The following CHURC1 variants were observed in gnomAD, a reference collection of about 807,000 sequenced individuals.
CHURC1 encodes protein Churchill.
CHURC1 carries 12 observed loss-of-function variants against 15.4 expected under a neutral mutation model. The observed-to-expected ratio is 0.78, with a 90% CI of 0.50 to 1.27. The LOEUF (loss-of-function observed/expected upper bound fraction) is 1.27. Among genes scored for constraint, CHURC1 ranks in the 50% most tolerant of loss-of-function variants. The probability of loss-of-function intolerance (pLI) is 0.00; values close to 1 mark genes in which losing one functional copy is unlikely to be tolerated. For synonymous variants in CHURC1, 42 were observed against 47.5 expected, an observed-to-expected ratio of 0.88 and a Z score of 0.48; for missense variants, 132 against 137.8, an observed-to-expected ratio of 0.96 and a Z score of 0.21.
At chr14:64,914,671 A>G (rs910659289) in intron 1 of CHURC1, 137 bp downstream of exon 1, 1 of 1,504,304 alleles carries the variant, frequency 6.6e-7, no homozygotes, top group East Asian at 2.3e-5. Flanking sequence ...AGCGGTATTT[A>G]GGCACACCAG....
rs1420648000 is a variant in CHURC1, at chr14:64,933,591, T to C, written c.*1361T>C. The C allele has an allele frequency of 2.0e-6, 2 of 981,672 alleles. No homozygotes were observed. Among genetic ancestry groups the C allele is most frequent in the East Asian group, 2.3e-4 (2 of 8,802 alleles). 60.8% of individuals were successfully genotyped at this position (981,672 alleles called of 1,614,324 possible). A position where few individuals can be genotyped will look rare whatever the true frequency, so the allele number is the denominator to read the frequency against. ...TTCATCACAGTATTGTTAGGAGATT[T>C]AAATGAATTAGTGAATGTAAGATAC... On this transcript the variant is annotated 3_prime_UTR_variant, in exon 4 of 4. Transcript: ENST00000549115.
At chr14:64,925,159 C>G (rs924951800) in intron 2 of CHURC1, among the ~76,000 whole-genome samples, 1 of 152,082 alleles carries the variant, frequency 6.6e-6, no homozygotes, top group Non-Finnish European at 1.5e-5. Flanking sequence ...GCCATTGTTT[C>G]CTTATCTCTA....
intron 1 of CHURC1, among the ~76,000 whole-genome samples, chr14:64,921,667 A>C (rs1302040356): frequency 6.6e-6 from 1 of 152,230 alleles, no homozygotes; most frequent in Non-Finnish European, 1.5e-5. Flanking sequence ...GTATTGATGT[A>C]GCTATAGAGC....
chr14:64,919,847 G>GC (rs1884148021), intron 1 of CHURC1, among the ~76,000 whole-genome samples: 1 of 151,678 alleles, frequency 6.6e-6, no homozygotes, highest in Non-Finnish European at 1.5e-5. Context: ...TTGCGCCACA[G>GC]CATTCCAGCC....
chr14:64,927,008 C>T (rs1884757412), intron 3 of CHURC1, among the ~76,000 whole-genome samples: 1 of 152,126 alleles, frequency 6.6e-6, no homozygotes, highest in Non-Finnish European at 1.5e-5. Flanking sequence ...GTGTGAACTA[C>T]ATATTTGTCC....
At position 64,933,904 on chromosome 14, in the gene CHURC1, A is replaced by G. The variant is rs1181379045; in HGVS notation, c.*1674A>G. On this transcript the variant is annotated 3_prime_UTR_variant, in exon 4 of 4. Coordinates refer to ENST00000549115, the MANE Select transcript of CHURC1 (RefSeq NM_001386928.1). ...TTAAGCACTTATTTAATCCTCATTA[A>G]CAAATTCATAAGGTAGGTGCTATTG... 2.0e-6 allele frequency: 2 copies of G among 984,978 alleles called. No homozygotes were observed. Among genetic ancestry groups the G allele is most frequent in the Non-Finnish European group, 2.4e-6 (2 of 829,628 alleles). 61.0% of individuals were successfully genotyped at this position (984,978 alleles called of 1,614,324 possible). A position where few individuals can be genotyped will look rare whatever the true frequency, so the allele number is the denominator to read the frequency against.
chr14:64,914,934 G>C (rs1445919634), intron 1 of CHURC1, among the ~76,000 whole-genome samples: 1 of 152,216 alleles, frequency 6.6e-6, no homozygotes, highest in Non-Finnish European at 1.5e-5. Context: ...CACTTTTGCA[G>C]ATGAAGAAAC....
chr14:64,916,418 C>G lies in CHURC1; in HGVS notation c.39+1884C>G, dbSNP rs55796139. On this transcript the variant is annotated intron_variant, in intron 1 of 3. Coordinates refer to ENST00000549115, the MANE Select transcript of CHURC1 (RefSeq NM_001386928.1). ...GTACACTTTATAATCATTTCTTGTT[C>G]GCTACATTTATGTTTCATGTACTTT... Among the ~76,000 whole-genome samples the G allele has an allele frequency of 2.0e-5, 3 of 152,022 alleles. No homozygotes were observed. The East Asian group carries it at 5.8e-4, about 29-fold the overall frequency.
chr14:64,923,858 G>A (rs920324594), intron 1 of CHURC1, 133 bp from the exon 2 acceptor site: 2 of 533,340 alleles, frequency 3.7e-6, no homozygotes, highest in Non-Finnish European at 5.1e-6. Flanking sequence ...AAAATTATTT[G>A]GTATATGACC....
intron 1 of CHURC1, among the ~76,000 whole-genome samples, chr14:64,919,194 G>C (rs978745485): frequency 6.6e-6 from 1 of 152,088 alleles, no homozygotes; most frequent in South Asian, 2.1e-4. Context: ...TACTGAACAG[G>C]CACAAAATTG....
In CHURC1 at chr14:64,933,818, A is replaced by G. The variant is rs182387473; in HGVS notation, c.*1588A>G. ...AGATACTAGGGAAAAGCTTTGTTGA[A>G]TAACAGTAATGATGATAATATCTGA... is the stretch of plus-strand genomic sequence containing the variant. On this transcript the variant is annotated 3_prime_UTR_variant, in exon 4 of 4. Transcript: ENST00000549115. The G allele has an allele frequency of 9.3e-4, 921 of 985,438 alleles. 5 individuals carry two copies. In the African/African-American group the frequency reaches 0.015, roughly 16 times the overall value. The allele number at this position is 985,438 out of a possible 1,614,324, so 61.0% of individuals were successfully genotyped here.
chr14:64,924,874 C>T lies in CHURC1; in HGVS notation c.175+748C>T, dbSNP rs187715150. ...TCCTGGTTCTTGGGTACCTTCTAAA[C>T]ACATGAGGAATAAATGTACAGGTAA... On this transcript the variant is annotated intron_variant, in intron 2 of 3. Coordinates refer to ENST00000549115, the MANE Select transcript of CHURC1 (RefSeq NM_001386928.1). Among the ~76,000 whole-genome samples the T allele has an allele frequency of 1.5e-3, 232 of 152,294 alleles. 1 individual carries two copies. The highest frequency in any genetic ancestry group is 8.9e-3 in the South Asian group (43 of 4,826).
chr14:64,928,730 A>G (rs911081881), intron 3 of CHURC1, among the ~76,000 whole-genome samples: 1 of 151,988 alleles, frequency 6.6e-6, no homozygotes, highest in South Asian at 2.1e-4. Context: ...AGTTTTATTA[A>G]CTATTGTTGT....
chr14:64,930,620 T>G (rs1282849178), intron 3 of CHURC1, among the ~76,000 whole-genome samples: 3 of 152,190 alleles, frequency 2.0e-5, no homozygotes, highest in Admixed American at 6.5e-5. Flanking sequence ...CAAGTTAGAT[T>G]GCAGATTGTA....
At chr14:64,928,464 G>A (rs1266252883) in intron 3 of CHURC1, among the ~76,000 whole-genome samples, 2 of 152,076 alleles carry the variant, frequency 1.3e-5, no homozygotes, top group African/African-American at 4.8e-5. Context: ...TGCCCAGGCT[G>A]GTCTTGAACC....
intron 3 of CHURC1, among the ~76,000 whole-genome samples, chr14:64,929,399 C>CA (rs1249741490): frequency 6.6e-6 from 1 of 152,122 alleles, no homozygotes; most frequent in African/African-American, 2.4e-5. Flanking sequence ...GTACCTATGT[C>CA]AGGCCCTGAC....
At chr14:64,922,013 C>T (rs954108684) in intron 1 of CHURC1, among the ~76,000 whole-genome samples, 3 of 152,034 alleles carry the variant, frequency 2.0e-5, no homozygotes, top group Non-Finnish European at 4.4e-5. Context: ...AAATTGGATG[C>T]GGGAGTATAC....
intron 1 of CHURC1, among the ~76,000 whole-genome samples, chr14:64,916,938 A>G (rs1883930584): frequency 6.6e-6 from 1 of 152,208 alleles, no homozygotes. Context: ...TGAGAAGTTT[A>G]GAGTTTACAT....
intron 1 of CHURC1, among the ~76,000 whole-genome samples, chr14:64,916,344 G>A (rs1404310189): frequency 2.6e-5 from 4 of 152,096 alleles, no homozygotes; most frequent in Non-Finnish European, 4.4e-5. Flanking sequence ...AAGTCTTCCC[G>A]GGTGCAAGCA....
Sources: gnomAD v4.1 joint callset for allele counts (sites outside exome capture counted in the v4.1 genomes callset) on GRCh38, gnomAD v4.1.1 for gene constraint, MANE v1.5 for transcripts, NCBI Gene and HGNC (gene_info 2026-07-23, HGNC 2026-07-21) for gene names.